The following RASGRP3 variants were observed in gnomAD, a reference collection of about 807,000 sequenced individuals.
RASGRP3 encodes RAS guanyl releasing protein 3, also known as ras guanyl-releasing protein 3.
A neutral mutation model predicts 82.7 loss-of-function variants in RASGRP3; 54 were observed. The ratio of observed to expected loss-of-function variants is 0.65; its 90% confidence interval spans 0.52 to 0.82. The LOEUF (loss-of-function observed/expected upper bound fraction) is 0.82. Among genes scored for constraint, RASGRP3 ranks in the 40% least tolerant of loss-of-function variants. RASGRP3 has a pLI of 0.00. For missense variants in RASGRP3, 861 were observed against 828.9 expected, an observed-to-expected ratio of 1.04 and a Z score of -0.48; for synonymous variants, 309 against 300.5, an observed-to-expected ratio of 1.03 and a Z score of -0.29.
rs1488821820 is a variant in RASGRP3 at position 33,453,638 on chromosome 2, T to C, written c.-261+5695T>C. On this transcript the variant is annotated intron_variant, in intron 2 of 18. Coordinates refer to the RASGRP3 transcript ENST00000402538. ...TTTTATGACCTTGCCTTGGAAGTCA[T>C]ACGTCATCACTTTTCATGTATCCTA... 2.6e-5 allele frequency among the ~76,000 whole-genome samples: 4 copies of C among 152,188 alleles called. No individual in the cohort carries two copies. The East Asian group carries it at 7.7e-4, about 29-fold the overall frequency.
rs1674123332 is a variant in RASGRP3, at chr2:33,540,279, T to C, written c.1278+1069T>C. The C allele has an allele frequency of 1.6e-5, 2 of 126,150 alleles. 1 individual carries two copies. Among genetic ancestry groups the C allele is most frequent in the African/African-American group, 5.1e-5 (2 of 39,196 alleles). The allele number at this position is 126,150 out of a possible 1,614,324, so 7.8% of individuals were successfully genotyped here. ...GGAGTGTGTTAGGCAGGCAGGAAAA[T>C]GGTGGTGCCAAGAGGAATATTAGTG... On this transcript the variant is annotated intron_variant, in intron 12 of 17. Coordinates refer to ENST00000403687, the MANE Select transcript of RASGRP3 (RefSeq NM_001139488.2).
At position 33,450,508 on chromosome 2, in the gene RASGRP3, G is replaced by C. The variant is rs531022148; in HGVS notation, c.-261+2565G>C. On this transcript the variant is annotated intron_variant, in intron 2 of 18. Transcript: ENST00000402538. ...TTCTGTGTCTGGCTTATTTCACTTA[G>C]CATAATAGTCTCCAGGTTTATCCAT... 4.6e-5 allele frequency among the ~76,000 whole-genome samples: 7 copies of C among 152,178 alleles called. No homozygotes were observed. In the South Asian group the frequency reaches 1.2e-3, roughly 27 times the overall value.
chr2:33,449,225 T>C lies in RASGRP3; in HGVS notation c.-261+1282T>C, dbSNP rs142244371. 3.2e-3 allele frequency among the ~76,000 whole-genome samples: 484 copies of C among 152,348 alleles called. 3 individuals are homozygous for C. Among genetic ancestry groups the C allele is most frequent in the African/African-American group, 0.011 (459 of 41,566 alleles). On this transcript the variant is annotated intron_variant, in intron 2 of 18. Coordinates refer to the RASGRP3 transcript ENST00000402538. Reference sequence around the variant, plus strand: ...TGCATGACACATACCAACTTCCTAATCTTAAATTTGGTGAATGAATGAAAG... The same window carrying C: ...TGCATGACACATACCAACTTCCTAACCTTAAATTTGGTGAATGAATGAAAG...
chr2:33,439,630 C>A (rs545198313), intron 1 of RASGRP3, among the ~76,000 whole-genome samples: 1 of 152,192 alleles, frequency 6.6e-6, no homozygotes, highest in African/African-American at 2.4e-5. Flanking sequence ...CAGAAACTCA[C>A]ACTTAGCTGG....
chr2:33,538,488 G>A (rs1232015074), intron 11 of RASGRP3, among the ~76,000 whole-genome samples: 3 of 150,738 alleles, frequency 2.0e-5, no homozygotes, highest in African/African-American at 7.4e-5. Flanking sequence ...GGGTGACAGA[G>A]AGAGACTCTG....
intron 1 of RASGRP3, among the ~76,000 whole-genome samples, chr2:33,500,089 G>A (rs971729319): frequency 1.3e-5 from 2 of 152,090 alleles, no homozygotes; most frequent in Non-Finnish European, 2.9e-5. Context: ...TATTGGGAGA[G>A]GAGAGACATT....
intron 1 of RASGRP3, among the ~76,000 whole-genome samples, chr2:33,438,935 A>C (rs1665070711): frequency 6.6e-6 from 1 of 152,136 alleles, no homozygotes. Flanking sequence ...AACTTGGGGG[A>C]TGTGTTGAAG....
intron 1 of RASGRP3, among the ~76,000 whole-genome samples, chr2:33,484,219 G>A (rs1227272831): frequency 1.3e-5 from 2 of 152,344 alleles, no homozygotes; most frequent in East Asian, 3.9e-4. Context: ...AATGAAAGGA[G>A]TAAAGAAGAA....
At chr2:33,494,219 C>G (rs1322062772) in intron 1 of RASGRP3, among the ~76,000 whole-genome samples, 1 of 152,200 alleles carries the variant, frequency 6.6e-6, no homozygotes, top group Admixed American at 6.5e-5. Flanking sequence ...AGCACAACCT[C>G]TTTCTCTGTT....
chr2:33,519,877 A>C lies in RASGRP3; in HGVS notation c.174-75A>C. On this transcript the variant is annotated intron_variant, in intron 4 of 17. Transcript: ENST00000403687. ...CATGGTCCTCTTATTAGGAATTGGTATACATTGAGGGCACAGCTGCAGGGG... is the reference window on the plus strand; with the variant it reads ...CATGGTCCTCTTATTAGGAATTGGTCTACATTGAGGGCACAGCTGCAGGGG... 3 of 1,009,952 alleles carry C rather than the reference A, an allele frequency of 3.0e-6. No individual in the cohort carries two copies. In the South Asian group the frequency reaches 4.3e-5, roughly 14 times the overall value. 62.6% of individuals were successfully genotyped at this position (1,009,952 alleles called of 1,614,324 possible).
chr2:33,452,005 C>T (rs1319610419), intron 2 of RASGRP3, among the ~76,000 whole-genome samples: 3 of 151,984 alleles, frequency 2.0e-5, no homozygotes, highest in Non-Finnish European at 4.4e-5. Flanking sequence ...ATTGAGGCTA[C>T]TGTTGAAGCT....
At chr2:33,528,050 ATCC>A (rs1672753193) in intron 10 of RASGRP3, among the ~76,000 whole-genome samples, 1 of 152,068 alleles carries the variant, frequency 6.6e-6, no homozygotes, top group South Asian at 2.1e-4. Context: ...ATCCCAACCC[ATCC>A]ATGTGGCAAG....
At chr2:33,544,178 G>T (rs1479537316) in intron 13 of RASGRP3, among the ~76,000 whole-genome samples, 1 of 152,140 alleles carries the variant, frequency 6.6e-6, no homozygotes, top group Non-Finnish European at 1.5e-5. Flanking sequence ...ACTGGGCATG[G>T]TGGCACAGGC....
intron 7 of RASGRP3, among the ~76,000 whole-genome samples, chr2:33,523,093 A>G (rs532403071): frequency 6.6e-5 from 10 of 152,222 alleles, no homozygotes; most frequent in African/African-American, 2.4e-4. Context: ...ACTTGAAATA[A>G]TTATATTTAC....
At chr2:33,531,779 G>A (rs915089914) in intron 10 of RASGRP3, 1 of 152,194 alleles carries the variant, frequency 6.6e-6, no homozygotes, top group South Asian at 2.1e-4. Flanking sequence ...GGGTGTTCTG[G>A]TTCTCTTGAG....
chr2:33,546,935 C>T (rs2151085814), intron 13 of RASGRP3, among the ~76,000 whole-genome samples: 1 of 150,858 alleles, frequency 6.6e-6, no homozygotes, highest in East Asian at 2.0e-4. Flanking sequence ...GGCGTGGTGA[C>T]ACATGTCGGA....
chr2:33,539,129 G>A lies in RASGRP3; in HGVS notation c.1197G>A (p.Val399=), dbSNP rs1250835895. The A allele has an allele frequency of 1.2e-6, 2 of 1,611,132 alleles. No individual in the cohort carries two copies. Among genetic ancestry groups the A allele is most frequent in the Non-Finnish European group, 1.7e-6 (2 of 1,178,840 alleles). ...PTSPTTPNKP[V]VPLEWALGVM... is the part of the protein sequence containing the mutation. ...CCCCTACGACGCCCAACAAGCCTGT[G>A]GTACCCCTGGAGTGGGCATTAGGGG... The change falls in exon 12 of 18, where the codon GTG becomes GTA. Residue 399 remains valine (V), a synonymous_variant. Transcript: ENST00000403687.
intron 6 of RASGRP3, among the ~76,000 whole-genome samples, chr2:33,520,930 A>T (rs931284764): frequency 2.0e-5 from 3 of 152,226 alleles, no homozygotes; most frequent in African/African-American, 7.2e-5. Flanking sequence ...TTCAATAAGG[A>T]CACAAGATAG....
chr2:33,499,447 T>A (rs1262810387), intron 1 of RASGRP3, among the ~76,000 whole-genome samples: 1 of 152,056 alleles, frequency 6.6e-6, no homozygotes, highest in Non-Finnish European at 1.5e-5. Flanking sequence ...TGGTCCCAGC[T>A]ACTCGAAAGG....
Sources: gnomAD v4.1 joint callset for allele counts (sites outside exome capture counted in the v4.1 genomes callset) on GRCh38, gnomAD v4.1.1 for gene constraint, MANE v1.5 for transcripts, NCBI Gene and HGNC (gene_info 2026-07-23, HGNC 2026-07-21) for gene names.